The following AP4E1 variants were observed in gnomAD, a reference collection of about 807,000 sequenced individuals.
AP4E1 encodes adaptor related protein complex 4 subunit epsilon 1.
AP4E1 carries 56 observed loss-of-function variants against 128.2 expected under a neutral mutation model. The observed-to-expected ratio is 0.44, with a 90% confidence interval of 0.35 to 0.55. AP4E1 has a LOEUF of 0.55. Among genes scored for constraint, AP4E1 ranks in the 20% least tolerant of loss-of-function variants. AP4E1 has a pLI of 0.00. For synonymous variants in AP4E1, 484 were observed against 473.1 expected, an observed-to-expected ratio of 1.02 and a Z score of -0.30; for missense variants, 1,324 against 1,307.7, an observed-to-expected ratio of 1.01 and a Z score of -0.19.
intron 3 of AP4E1, among the ~76,000 whole-genome samples, chr15:50,922,580 A>G (rs1331236145): frequency 6.6e-6 from 1 of 152,130 alleles, no homozygotes; most frequent in Non-Finnish European, 1.5e-5. Flanking sequence ...TAACATTAGA[A>G]TCCCTGATGA....
chr15:50,924,182 A>G (rs1040579649), intron 4 of AP4E1, among the ~76,000 whole-genome samples, 178 bp downstream of exon 4: 2 of 152,202 alleles, frequency 1.3e-5, no homozygotes, highest in African/African-American at 2.4e-5. Context: ...TAGAACTTAC[A>G]GAGTTGTGAA....
rs1470731640 is a variant in AP4E1 at position 51,005,258 on chromosome 15, G to A, written c.*2596G>A. 6.6e-6 allele frequency: 1 copy of A among 152,372 alleles called. No homozygotes were observed. Among genetic ancestry groups the A allele is most frequent in the Non-Finnish European group, 1.5e-5 (1 of 68,078 alleles). 9.4% of individuals were successfully genotyped at this position (152,372 alleles called of 1,614,324 possible). On this transcript the variant is annotated 3_prime_UTR_variant, in exon 21 of 21. Transcript: ENST00000261842. ...TTTAGTCAGTGAAGGGACAACATCTGGGGTAAGAGCTATGGAGGAGGTGCT... is the reference window on the plus strand; with the variant it reads ...TTTAGTCAGTGAAGGGACAACATCTAGGGTAAGAGCTATGGAGGAGGTGCT...
Position 50,984,039 on chromosome 15 carries a change from T to A in AP4E1, c.1984T>A (p.Tyr662Asn), listed in dbSNP as rs1171557600. The stretch of plus-strand genomic sequence containing the variant: ...AATTCTAGTTCTCAATTTTGAACCA[T>A]ATGGACTCTCCTTTTCTTCATCTGG... The part of the protein sequence containing the change: ...SQEKVLNFEP[Y>N]GLSFSSSGFT... The change falls in exon 16 of 21, where the codon TAT becomes AAT. Residue 662 changes from tyrosine (Y) to asparagine (N), a missense_variant. Coordinates refer to ENST00000261842, the MANE Select transcript of AP4E1 (RefSeq NM_007347.5). The A allele has an allele frequency of 1.2e-6, 2 of 1,613,176 alleles. No homozygotes were observed. Among genetic ancestry groups the A allele is most frequent in the Admixed American group, 3.3e-5 (2 of 59,978 alleles).
At chr15:50,925,756 T>C (rs2063761423) in intron 5 of AP4E1, among the ~76,000 whole-genome samples, 2 of 150,740 alleles carry the variant, frequency 1.3e-5, no homozygotes, top group South Asian at 2.1e-4. Context: ...CAGCCTCCCA[T>C]GTAGCTAGGA....
chr15:50,960,646 G>T (rs766601357), intron 14 of AP4E1, among the ~76,000 whole-genome samples: 5 of 151,848 alleles, frequency 3.3e-5, no homozygotes, highest in African/African-American at 1.2e-4. Flanking sequence ...TAAGAGGGAA[G>T]TTTATAGCAA....
rs571932748 is a variant in AP4E1, at chr15:50,912,088, A to G, written c.161A>G (p.Lys54Arg). ...TTTTCACTTTCTCAGGAAGAAGAAA[A>G]ATTAATCCAGCAGGAACTGAGTAGT... ...TALTSKHEEE[K>R]LIQQELSSLK... is the part of the protein sequence containing the mutation. The change falls in exon 2 of 21, where the codon AAA (lysine) becomes AGA (arginine). Residue 54 changes from lysine (K) to arginine (R), a missense_variant. By Grantham distance (26) the Lys-to-Arg change is conservative (BLOSUM62 2). Transcript: ENST00000261842. 1 of 1,614,066 alleles carries G rather than the reference A, an allele frequency of 6.2e-7. No individual in the cohort carries two copies. Among genetic ancestry groups the G allele is most frequent in the Non-Finnish European group, 8.5e-7 (1 of 1,179,934 alleles).
chr15:50,910,379 T>C (rs2063551273), intron 1 of AP4E1, among the ~76,000 whole-genome samples: 1 of 152,254 alleles, frequency 6.6e-6, no homozygotes, highest in Non-Finnish European at 1.5e-5. Context: ...AATGTCATTA[T>C]TTGTTCAACA....
intron 2 of AP4E1, among the ~76,000 whole-genome samples, chr15:50,913,286 A>G (rs934117684): frequency 9.2e-5 from 14 of 152,242 alleles, no homozygotes; most frequent in Admixed American, 6.5e-4. Context: ...GTGGCTATGG[A>G]TAAAATAATT....
At chr15:50,919,853 G>T (rs142969176) in intron 3 of AP4E1, among the ~76,000 whole-genome samples, 3 of 152,034 alleles carry the variant, frequency 2.0e-5, no homozygotes, top group South Asian at 4.1e-4. Flanking sequence ...TAGGTGGGCA[G>T]ATCACTTGAA....
intron 19 of AP4E1, among the ~76,000 whole-genome samples, chr15:50,999,521 T>C (rs1162858003): frequency 1.3e-5 from 2 of 152,126 alleles, no homozygotes; most frequent in African/African-American, 4.8e-5. Context: ...CTGATTTAGG[T>C]TGGAGTTGGT....
At chr15:50,982,676 C>T (rs1213974965) in intron 15 of AP4E1, among the ~76,000 whole-genome samples, 2 of 150,606 alleles carry the variant, frequency 1.3e-5, no homozygotes, top group South Asian at 2.1e-4. Flanking sequence ...ACACAGTTCT[C>T]CTGATCATTA....
chr15:50,912,343 C>T (rs536615337), intron 2 of AP4E1, among the ~76,000 whole-genome samples, 194 bp downstream of exon 2: 1 of 152,148 alleles, frequency 6.6e-6, no homozygotes, highest in Admixed American at 6.5e-5. Context: ...CAAGATTTGC[C>T]TATGTGAAGT....
chr15:50,987,141 G>A (rs1157824582), intron 16 of AP4E1, among the ~76,000 whole-genome samples: 2 of 152,114 alleles, frequency 1.3e-5, no homozygotes, highest in South Asian at 2.1e-4. Context: ...ATTTCTGTGG[G>A]ATCGGTGGTG....
At chr15:50,994,246 T>C (rs557636868) in intron 17 of AP4E1, among the ~76,000 whole-genome samples, 54 of 152,328 alleles carry the variant, frequency 3.5e-4, no homozygotes, top group African/African-American at 1.3e-3. Context: ...AGAAATTATT[T>C]TCATAGTAAA....
Position 50,958,685 on chromosome 15 carries a change from C to T in AP4E1, c.1742C>T (p.Ser581Phe). ...VERLIHEFTISLDTCMRQHAF... is the reference protein window; with the variant it reads ...VERLIHEFTIFLDTCMRQHAF... Reference sequence around the variant, plus strand: ...AGATTAATCCATGAATTTACCATATCTTTGGATACTTGTATGAGACAACAT... The same window carrying T: ...AGATTAATCCATGAATTTACCATATTTTTGGATACTTGTATGAGACAACAT... The change falls in exon 14 of 21, where the codon TCT (serine) becomes TTT (phenylalanine). Residue 581 changes from serine (S) to phenylalanine (F), a missense_variant. Transcript: ENST00000261842. The T allele has an allele frequency of 6.2e-7, 1 of 1,614,098 alleles. No homozygotes were observed. The highest frequency in any genetic ancestry group is 2.2e-5 in the East Asian group (1 of 44,866).
intron 7 of AP4E1, among the ~76,000 whole-genome samples, chr15:50,932,290 T>C (rs150757434): frequency 0.023 from 3,497 of 152,284 alleles, 65 homozygotes; most frequent in Non-Finnish European, 0.034. Context: ...AATTTTGCCC[T>C]ACTTTTTCAA....
intron 6 of AP4E1, 85 bp downstream of exon 6, chr15:50,929,253 A>G (rs900558561): frequency 2.8e-6 from 4 of 1,430,362 alleles, no homozygotes; most frequent in East Asian, 2.3e-5. Flanking sequence ...ATATTTTGGT[A>G]AAATGCTTAG....
chr15:50,992,967 G>A (rs2140927691), intron 16 of AP4E1, among the ~76,000 whole-genome samples: 1 of 152,240 alleles, frequency 6.6e-6, no homozygotes, highest in South Asian at 2.1e-4. Flanking sequence ...ATTTATATAG[G>A]TTTAATTCCT....
chr15:50,929,034 C>T lies in AP4E1; in HGVS notation c.568C>T (p.Leu190=), dbSNP rs1273393821. 6.2e-7 allele frequency: 1 copy of T among 1,613,754 alleles called. No individual in the cohort carries two copies. The highest frequency in any genetic ancestry group is 8.5e-7 in the Non-Finnish European group (1 of 1,179,828). ...GGAGATTGTACGAAGAAAAGCTGTT[C>T]TGGCATTATACAAATTCCATCTCAT... is the stretch of plus-strand genomic sequence containing the variant. ...SKEIVRRKAV[L]ALYKFHLIAP... is the part of the protein sequence containing the mutation. Residue 190 remains leucine (L), a synonymous_variant, in exon 6 of 21, where the codon CTG becomes TTG. Coordinates refer to ENST00000261842, the MANE Select transcript of AP4E1 (RefSeq NM_007347.5).
Sources: gnomAD v4.1 joint callset for allele counts (sites outside exome capture counted in the v4.1 genomes callset) on GRCh38, gnomAD v4.1.1 for gene constraint, MANE v1.5 for transcripts, NCBI Gene and HGNC (gene_info 2026-07-23, HGNC 2026-07-21) for gene names.